ZNF469: variants seen among roughly 807,000 people sequenced by gnomAD.
ZNF469 encodes the protein zinc finger protein 469.
ZNF469 carries 1 observed loss-of-function variant against 1.0 expected under a neutral mutation model. The ratio of observed to expected loss-of-function variants is 1.00; its 90% CI spans 0.35 to 4.73. ZNF469 has a LOEUF of 4.73. Among genes scored for constraint, ZNF469 ranks in the 30% most tolerant of loss-of-function variants. The pLI is 0.16. For synonymous variants in ZNF469, 2,703 were observed against 2,363.4 expected, an observed-to-expected ratio of 1.14 and a Z score of -4.17; for missense variants, 6,100 against 5,356.3, an observed-to-expected ratio of 1.14 and a Z score of -4.33.
At chr16:88,256,548 C>T in the ZNF469 span, among the ~76,000 whole-genome samples, 1 of 152,202 alleles carries the variant, frequency 6.6e-6, no homozygotes, top group South Asian at 2.1e-4. Flanking sequence ...CATAAGTTTC[C>T]AACTCCTTTG....
chr16:88,341,717 G>A, the ZNF469 span, among the ~76,000 whole-genome samples: 5 of 152,182 alleles, frequency 3.3e-5, no homozygotes, highest in East Asian at 1.9e-4. Flanking sequence ...TGAGGCAGGT[G>A]GTGCAGCGTC....
the ZNF469 span, among the ~76,000 whole-genome samples, chr16:88,224,337 C>T: frequency 6.6e-5 from 10 of 152,346 alleles, 1 homozygote; most frequent in African/African-American, 1.9e-4. Context: ...GACACAGCAC[C>T]GCGGGGCCCC....
chr16:88,239,753 G>A, the ZNF469 span, among the ~76,000 whole-genome samples: 11 of 111,532 alleles, frequency 9.9e-5, no homozygotes, highest in Admixed American at 2.2e-4. Context: ...GTAGAGACAG[G>A]GTTTCACTGT....
the ZNF469 span, among the ~76,000 whole-genome samples, chr16:88,260,702 T>G: frequency 6.6e-6 from 1 of 152,112 alleles, no homozygotes; most frequent in African/African-American, 2.4e-5. The surrounding 1 kb of genome is among the most constrained non-coding windows in gnomAD (Gnocchi z 4.1). Flanking sequence ...CTCAAACCCA[T>G]CTGTACTGGC....
the ZNF469 span, among the ~76,000 whole-genome samples, chr16:88,183,028 A>G: frequency 1.3e-5 from 2 of 152,262 alleles, no homozygotes; most frequent in African/African-American, 2.4e-5. Flanking sequence ...TTTAACTCTT[A>G]TAACTCAATA....
chr16:88,198,497 C>T, the ZNF469 span, among the ~76,000 whole-genome samples: 2 of 152,218 alleles, frequency 1.3e-5, no homozygotes, highest in Admixed American at 1.3e-4. Flanking sequence ...GACTGTCGAG[C>T]TCTGGAAATG....
Position 88,434,306 on chromosome 16 carries a change from C to A in ZNF469, c.6836C>A (p.Pro2279His). 1.3e-6 allele frequency: 2 copies of A among 1,550,380 alleles called. No individual in the cohort carries two copies. The highest frequency in any genetic ancestry group is 1.4e-5 in the African/African-American group (1 of 73,180). The change falls in exon 3 of 3, where the codon CCC becomes CAC. Residue 2279 changes from proline to histidine, a missense_variant. Transcript: ENST00000565624. Reference sequence around the variant, plus strand: ...CCTCCTCTGGCAGGGGCCGTCTCCCCCAGCGTGGCCGTCAGGGCTACTGGC... The same window carrying A: ...CCTCCTCTGGCAGGGGCCGTCTCCCACAGCGTGGCCGTCAGGGCTACTGGC... ...TSPPLAGAVS[P>H]SVAVRATGLS...
At chr16:88,314,075 T>C in the ZNF469 span, among the ~76,000 whole-genome samples, 1 of 142,170 alleles carries the variant, frequency 7.0e-6, no homozygotes, top group Non-Finnish European at 1.5e-5. Context: ...TGGTGTAGAA[T>C]ATCTCTGTGA....
chr16:88,161,170 A>AG, the ZNF469 span, among the ~76,000 whole-genome samples: 1 of 151,966 alleles, frequency 6.6e-6, no homozygotes, highest in East Asian at 1.9e-4. Context: ...CAAAAAAAAA[A>AG]AAACGGGCTT....
the ZNF469 span, among the ~76,000 whole-genome samples, chr16:88,130,338 A>G: frequency 2.0e-5 from 3 of 152,140 alleles, no homozygotes; most frequent in African/African-American, 4.8e-5. Context: ...CCAAAACGTG[A>G]TATCGGCGTC....
chr16:88,428,451 C>T lies in ZNF469; in HGVS notation c.981C>T (p.Pro327=). ...GCACGGGCCCTGCCTACCCGCTGCC[C>T]ACCCAGCCTGCGCCCTCACCCCTGC... is the stretch of plus-strand genomic sequence containing the variant. ...AVGTGPAYPL[P]TQPAPSPLPC... is the part of the protein sequence containing the mutation. Residue 327 remains proline, a synonymous_variant, in exon 3 of 3, where the codon CCC becomes CCT. Coordinates refer to ENST00000565624, the MANE Select transcript of ZNF469 (RefSeq NM_001367624.2). 1.3e-6 allele frequency: 2 copies of T among 1,548,572 alleles called. No homozygotes were observed. Among genetic ancestry groups the T allele is most frequent in the Non-Finnish European group, 1.7e-6 (2 of 1,146,730 alleles).
chr16:88,366,284 C>A, the ZNF469 span, among the ~76,000 whole-genome samples: 1 of 150,922 alleles, frequency 6.6e-6, no homozygotes, highest in Non-Finnish European at 1.5e-5. Flanking sequence ...ATTACCTTCA[C>A]CACCACCACC....
the ZNF469 span, among the ~76,000 whole-genome samples, chr16:88,187,359 T>C: frequency 6.6e-6 from 1 of 152,204 alleles, no homozygotes; most frequent in Admixed American, 6.5e-5. Flanking sequence ...GAACACACGT[T>C]CTATTAACAG....
chr16:88,237,598 C>A, the ZNF469 span, among the ~76,000 whole-genome samples: 3 of 39,170 alleles, frequency 7.7e-5, no homozygotes, highest in African/African-American at 1.4e-4. Context: ...CCCTCCCTGC[C>A]CTCTGTGCTC....
the ZNF469 span, among the ~76,000 whole-genome samples, chr16:88,243,723 A>G: frequency 6.7e-6 from 1 of 149,564 alleles, no homozygotes; most frequent in African/African-American, 2.5e-5. Flanking sequence ...AAATGGGTGG[A>G]TGGGTGGATA....
chr16:88,318,472 C>T, the ZNF469 span, among the ~76,000 whole-genome samples: 4 of 144,378 alleles, frequency 2.8e-5, no homozygotes, highest in East Asian at 7.7e-4. Flanking sequence ...TGTCCTCTGC[C>T]CCAGCTGCAT....
the ZNF469 span, among the ~76,000 whole-genome samples, chr16:88,291,219 C>A: frequency 1.3e-5 from 2 of 152,270 alleles, no homozygotes; most frequent in East Asian, 3.9e-4. Context: ...CACCAGTGGG[C>A]AGAAACCATG....
the ZNF469 span, among the ~76,000 whole-genome samples, chr16:88,150,818 G>A: frequency 2.0e-5 from 3 of 152,032 alleles, no homozygotes; most frequent in South Asian, 2.1e-4. Flanking sequence ...AAACTGGCCC[G>A]GCCGTAGAAG....
intron 1 of ZNF469, among the ~76,000 whole-genome samples, chr16:88,406,607 CAG>C (rs1257167735): frequency 1.3e-5 from 2 of 152,200 alleles, no homozygotes; most frequent in Non-Finnish European, 2.9e-5. Context: ...GAGGGTTCAA[CAG>C]GGAGAGGAGA....
Sources: gnomAD v4.1 joint callset for allele counts (sites outside exome capture counted in the v4.1 genomes callset) on GRCh38, gnomAD v4.1.1 for gene constraint, Gnocchi (gnomAD v3.1) non-coding constraint, MANE v1.5 for transcripts, NCBI Gene and HGNC (gene_info 2026-07-23, HGNC 2026-07-21) for gene names.